Variants in USH2A observed in about 807,000 individuals in gnomAD.
The protein encoded by USH2A is Usher syndrome 2A (autosomal recessive, mild).
Under a neutral mutation model 538.9 loss-of-function variants are expected in USH2A, and 443 were observed. That is an observed-to-expected ratio of 0.82 (90% CI 0.76 to 0.89). USH2A has a LOEUF of 0.89. Ranked by LOEUF, USH2A falls within the 40% of genes least tolerant of loss-of-function variation. The probability of loss-of-function intolerance (pLI) is 0.00; values close to 1 mark genes in which losing one functional copy is unlikely to be tolerated. For synonymous variants in USH2A, 2,413 were observed against 2,273.5 expected (o/e 1.06, Z -1.75); for missense variants, 6,633 against 6,324.8 (o/e 1.05, Z -1.65).
chr1:216,385,805 G>C (rs1221636957), intron 3 of USH2A, among the ~76,000 whole-genome samples: 1 of 152,082 alleles, frequency 6.6e-6, no homozygotes, highest in Non-Finnish European at 1.5e-5. Context: ...TGGCAAACTT[G>C]ACCAGTCACT....
chr1:215,821,111 G>T (rs1278317949), intron 47 of USH2A, among the ~76,000 whole-genome samples: 1 of 151,692 alleles, frequency 6.6e-6, no homozygotes, highest in Non-Finnish European at 1.5e-5. Context: ...ACCCAGTAGT[G>T]AATTGCTACA....
At chr1:215,989,122 A>G (rs947576963) in intron 35 of USH2A, among the ~76,000 whole-genome samples, 2 of 152,258 alleles carry the variant, frequency 1.3e-5, no homozygotes, top group African/African-American at 4.8e-5. Flanking sequence ...AAGCATAAAA[A>G]TATACCTAGT....
chr1:215,964,861 T>G (rs1185865692), intron 37 of USH2A, among the ~76,000 whole-genome samples: 4 of 152,196 alleles, frequency 2.6e-5, no homozygotes, highest in African/African-American at 9.6e-5. Context: ...ATTACTAAGA[T>G]AGTTCAGAAA....
intron 56 of USH2A, among the ~76,000 whole-genome samples, chr1:215,762,474 T>C (rs888898127): frequency 2.0e-5 from 3 of 152,158 alleles, no homozygotes; most frequent in African/African-American, 7.2e-5. Context: ...GAGTTTATTA[T>C]TTATACCGGC....
At position 216,207,442 on chromosome 1, in the gene USH2A, A is replaced by G; in HGVS notation, c.3158-11T>C. 1 of 1,613,914 alleles carries G rather than the reference A, an allele frequency of 6.2e-7. No homozygotes were observed. Among genetic ancestry groups the G allele is most frequent in the South Asian group, 1.1e-5 (1 of 91,084 alleles). ...GTTGCTGGAATGGAGCTAAATTACA[A>G]TGAAGAGAGCATTTATTAGCAAAGC... is the stretch of plus-strand genomic sequence containing the variant. On this transcript the variant is annotated splice_polypyrimidine_tract_variant and intron_variant, in intron 15 of 71. Transcript: ENST00000307340.
rs2035693809 is a variant in USH2A, at chr1:216,231,553, AC to A, written c.2993+399del. On this transcript the variant is annotated intron_variant, in intron 14 of 71. Coordinates refer to ENST00000307340, the MANE Select transcript of USH2A (RefSeq NM_206933.4). Reference sequence around the variant, plus strand: ...AAAAACATATCAATAACAAAAAAACACTTTTTTTTTTTTGAGACAGAGTCTT... The same window carrying A: ...AAAAACATATCAATAACAAAAAAACATTTTTTTTTTTTGAGACAGAGTCTT... Among the ~76,000 whole-genome samples, 6 of 94,158 alleles carry A rather than the reference AC, an allele frequency of 6.4e-5. No individual in the cohort carries two copies. The South Asian group carries it at 2.6e-3, about 41-fold the overall frequency. The allele number at this position is 94,158 out of a possible 152,430, so 61.8% of individuals were successfully genotyped here.
chr1:216,405,867 C>T (rs187294618), intron 3 of USH2A, among the ~76,000 whole-genome samples: 100 of 152,268 alleles, frequency 6.6e-4, no homozygotes, highest in African/African-American at 2.3e-3. Context: ...TATCAATGCC[C>T]TTAACAACTT....
At position 216,198,484 on chromosome 1, in the gene USH2A, A is replaced by C. The variant is rs777062422; in HGVS notation, c.3912T>G (p.Ser1304Arg). Residue 1304 changes from serine (S) to arginine (R), a missense_variant, in exon 18 of 72, where the codon AGT (serine) becomes AGG (arginine). Physicochemically the swap from Ser to Arg is moderately radical, Grantham distance 110. Transcript: ENST00000307340. ...TGGCCGATTCTACAAATGAATGAGG[A>C]CTGAGCCAACCACTGCTCTGAAAAA... ...SRVFQSSGWL[S>R]PHSFVESANE... 1 of 1,614,040 alleles carries C rather than the reference A, an allele frequency of 6.2e-7. No homozygotes were observed. Among genetic ancestry groups the C allele is most frequent in the Non-Finnish European group, 8.5e-7 (1 of 1,179,974 alleles).
At chr1:215,659,420 C>T (rs1262793208) in intron 64 of USH2A, among the ~76,000 whole-genome samples, 5 of 152,166 alleles carry the variant, frequency 3.3e-5, no homozygotes, top group Non-Finnish European at 1.5e-5. Context: ...CACGAAAGTC[C>T]TCATGGAACT....
intron 11 of USH2A, among the ~76,000 whole-genome samples, chr1:216,277,320 C>A (rs2102589575): frequency 6.6e-6 from 1 of 152,208 alleles, no homozygotes; most frequent in African/African-American, 2.4e-5. Flanking sequence ...ATGAACAAAT[C>A]TTTTAACCTT....
chr1:215,912,930 T>C (rs918192092), intron 38 of USH2A, among the ~76,000 whole-genome samples: 2 of 152,156 alleles, frequency 1.3e-5, no homozygotes, highest in African/African-American at 4.8e-5. Flanking sequence ...AGCCATACCA[T>C]GAATTAGATG....
chr1:216,243,284 T>A (rs545538254), intron 13 of USH2A, among the ~76,000 whole-genome samples: 62 of 152,252 alleles, frequency 4.1e-4, no homozygotes, highest in African/African-American at 1.2e-3. Flanking sequence ...CTGATTTTTT[T>A]AAAAAATGAT....
At position 216,249,186 on chromosome 1, in the gene USH2A, G is replaced by T. The variant is rs145189444; in HGVS notation, c.2167+1717C>A. Among the ~76,000 whole-genome samples, 590 of 151,792 alleles carry T rather than the reference G, an allele frequency of 3.9e-3. 2 individuals carry two copies. Among genetic ancestry groups the T allele is most frequent in the African/African-American group, 0.013 (551 of 41,406 alleles). ...TGTTTTTATAAAAAGTACTACATTT[G>T]CAGAAATAACACTAGAAATAATAAT... On this transcript the variant is annotated intron_variant, in intron 12 of 71. Transcript: ENST00000307340.
At chr1:215,890,998 A>C (rs1197625234) in intron 40 of USH2A, among the ~76,000 whole-genome samples, 1 of 152,180 alleles carries the variant, frequency 6.6e-6, no homozygotes, top group African/African-American at 2.4e-5. Context: ...ATTATTCCTC[A>C]TATGTGAACT....
intron 56 of USH2A, among the ~76,000 whole-genome samples, chr1:215,766,209 G>T (rs1376174646): frequency 6.6e-6 from 1 of 151,962 alleles, no homozygotes; most frequent in Non-Finnish European, 1.5e-5. Flanking sequence ...GTCATCGATG[G>T]GTTTCTATCT....
At chr1:216,043,057 A>G (rs2030355246) in intron 32 of USH2A, among the ~76,000 whole-genome samples, 1 of 152,096 alleles carries the variant, frequency 6.6e-6, no homozygotes, top group African/African-American at 2.4e-5. Flanking sequence ...TTATTTTGAC[A>G]TGGCAGCCCT....
At chr1:216,016,538 A>G (rs1025867792) in intron 32 of USH2A, among the ~76,000 whole-genome samples, 6 of 152,106 alleles carry the variant, frequency 3.9e-5, no homozygotes, top group Admixed American at 6.6e-5. Flanking sequence ...TGCATTATCC[A>G]TGAAACATCT....
At chr1:215,758,567 C>T in intron 58 of USH2A, 28 bp downstream of exon 58, 3 of 1,604,388 alleles carry the variant, frequency 1.9e-6, no homozygotes, top group Non-Finnish European at 2.6e-6. Context: ...TTTACACACA[C>T]ACACACATAC....
At chr1:215,780,167 A>G (rs1055067150) in intron 54 of USH2A, 126 bp from the exon 55 acceptor site, 12 of 1,065,728 alleles carry the variant, frequency 1.1e-5, no homozygotes, top group Non-Finnish European at 1.7e-5. Context: ...GGCTTGGAGA[A>G]GCATTTCCCT....
Sources: gnomAD v4.1 joint callset for allele counts (sites outside exome capture counted in the v4.1 genomes callset) on GRCh38, gnomAD v4.1.1 for gene constraint, MANE v1.5 for transcripts, NCBI Gene and HGNC (gene_info 2026-07-23, HGNC 2026-07-21) for gene names.